The following IMMP2L variants were observed in gnomAD, a reference collection of about 807,000 sequenced individuals.
IMMP2L encodes inner mitochondrial membrane peptidase subunit 2, also known as mitochondrial inner membrane protease subunit 2.
IMMP2L carries 18 observed loss-of-function variants against 19.3 expected under a neutral mutation model. The ratio of observed to expected loss-of-function variants is 0.93; its 90% confidence interval spans 0.64 to 1.38. IMMP2L has a LOEUF of 1.38. Among genes scored for constraint, IMMP2L ranks in the 40% most tolerant of loss-of-function variants. The pLI, the probability that IMMP2L is intolerant of heterozygous loss-of-function variation, is 0.00. For synonymous variants in IMMP2L, 76 were observed against 73.0 expected (o/e 1.04, Z -0.21); for missense variants, 233 against 218.2 (o/e 1.07, Z -0.43).
At chr7:111,504,814 A>G (rs1447883465) in intron 2 of IMMP2L, among the ~76,000 whole-genome samples, 2 of 152,110 alleles carry the variant, frequency 1.3e-5, no homozygotes, top group Non-Finnish European at 2.9e-5. Context: ...CTTATACAAA[A>G]ATTAATTCAA....
chr7:111,114,131 TCTA>T (rs1296810673), intron 3 of IMMP2L, among the ~76,000 whole-genome samples: 1 of 145,224 alleles, frequency 6.9e-6, no homozygotes, highest in Admixed American at 6.7e-5. Flanking sequence ...TACACATAAA[TCTA>T]CACACACACA....
intron 5 of IMMP2L, among the ~76,000 whole-genome samples, chr7:110,841,601 C>T (rs1016499893): frequency 6.6e-6 from 1 of 152,074 alleles, no homozygotes; most frequent in South Asian, 2.1e-4. Flanking sequence ...ATAGATATGT[C>T]ATTCACACTG....
At chr7:111,109,199 A>G (rs1798900102) in intron 3 of IMMP2L, among the ~76,000 whole-genome samples, 1 of 152,316 alleles carries the variant, frequency 6.6e-6, no homozygotes, top group Admixed American at 6.5e-5. Context: ...CATTTTCAGT[A>G]CAATTTAACA....
intron 3 of IMMP2L, among the ~76,000 whole-genome samples, chr7:111,408,329 G>C (rs1834074608): frequency 6.6e-6 from 1 of 151,668 alleles, no homozygotes; most frequent in African/African-American, 2.4e-5. Flanking sequence ...TATTCAGTGA[G>C]AGACTTAATT....
intron 5 of IMMP2L, among the ~76,000 whole-genome samples, chr7:110,736,943 C>T (rs764155331): frequency 1.3e-5 from 2 of 152,134 alleles, no homozygotes; most frequent in South Asian, 2.1e-4. Flanking sequence ...TGAATGTATT[C>T]GTATGTGAGA....
chr7:110,972,359 T>C lies in IMMP2L; in HGVS notation c.240-8794A>G, dbSNP rs529825726. On this transcript the variant is annotated intron_variant, in intron 3 of 5. Transcript: ENST00000405709. ...TATATTGCAATAACTTGTACTATGA[T>C]AGTTTGTCAATGCTTTAACCTAAAT... Among the ~76,000 whole-genome samples, 9 of 152,220 alleles carry C rather than the reference T, an allele frequency of 5.9e-5. 1 individual carries two copies. In the East Asian group the frequency reaches 1.4e-3, roughly 23 times the overall value.
intron 5 of IMMP2L, among the ~76,000 whole-genome samples, chr7:110,854,628 T>A (rs927289552): frequency 7.9e-5 from 12 of 152,016 alleles, no homozygotes; most frequent in African/African-American, 1.2e-4. Flanking sequence ...ATAATTGATA[T>A]GTGAGTACAC....
intron 3 of IMMP2L, among the ~76,000 whole-genome samples, chr7:111,000,369 G>A (rs1402763780): frequency 6.6e-6 from 1 of 152,056 alleles, no homozygotes; most frequent in Non-Finnish European, 1.5e-5. Context: ...CCTCAACTTA[G>A]ACATGATAAC....
chr7:111,489,474 G>C (rs1842921588), intron 2 of IMMP2L, among the ~76,000 whole-genome samples: 1 of 152,138 alleles, frequency 6.6e-6, no homozygotes, highest in Non-Finnish European at 1.5e-5. Context: ...CCTTCACTGA[G>C]GGGCTGATGA....
At chr7:111,341,172 C>A (rs150607402) in intron 3 of IMMP2L, among the ~76,000 whole-genome samples, 1 of 152,052 alleles carries the variant, frequency 6.6e-6, no homozygotes, top group African/African-American at 2.4e-5. Flanking sequence ...AGTAATAATT[C>A]GTCTACTAAT....
intron 1 of IMMP2L, among the ~76,000 whole-genome samples, chr7:111,525,544 C>T (rs746236320): frequency 9.2e-5 from 14 of 151,912 alleles, no homozygotes; most frequent in Non-Finnish European, 1.6e-4. Context: ...TCTAGTGGTC[C>T]AGGGCAAGAG....
At chr7:111,164,708 T>A (rs748310336) in intron 3 of IMMP2L, among the ~76,000 whole-genome samples, 112 of 152,002 alleles carry the variant, frequency 7.4e-4, no homozygotes, top group Non-Finnish European at 1.4e-3. Flanking sequence ...TAATTAATTA[T>A]AGGAATCAGG....
In IMMP2L at chr7:111,216,923, A is replaced by G. The variant is rs191953567; in HGVS notation, c.240-253358T>C. 3.9e-3 allele frequency among the ~76,000 whole-genome samples: 600 copies of G among 152,240 alleles called. 2 individuals carry two copies. Among genetic ancestry groups the G allele is most frequent in the Middle Eastern group, 0.014 (4 of 292 alleles). ...CACCTTTGAAGGGTGGGGGAAAAGA[A>G]AAAGAGACATTTTATCAAATGCATG... On this transcript the variant is annotated intron_variant, in intron 3 of 5. Coordinates refer to ENST00000405709, the MANE Select transcript of IMMP2L (RefSeq NM_032549.4).
intron 5 of IMMP2L, among the ~76,000 whole-genome samples, chr7:110,701,075 A>G (rs924159515): frequency 1.3e-5 from 2 of 152,218 alleles, no homozygotes; most frequent in Admixed American, 6.5e-5. Flanking sequence ...TGTTGTACAC[A>G]TATTTTACAC....
rs150427773 is a variant in IMMP2L at position 111,543,715 on chromosome 7, T to G, written c.-3+18136A>C. 2.7e-3 allele frequency among the ~76,000 whole-genome samples: 409 copies of G among 152,296 alleles called. 6 individuals are homozygous for G. The highest frequency in any genetic ancestry group is 9.3e-3 in the African/African-American group (386 of 41,578). ...AAATCAACACTAATAGGATGTTAGA[T>G]TTTCCAAGAGAGAATCACACTTCAG... On this transcript the variant is annotated intron_variant, in intron 1 of 5. Coordinates refer to ENST00000405709, the MANE Select transcript of IMMP2L (RefSeq NM_032549.4).
At chr7:111,522,160 C>T (rs948064990) in intron 1 of IMMP2L, among the ~76,000 whole-genome samples, 1 of 152,102 alleles carries the variant, frequency 6.6e-6, no homozygotes, top group Non-Finnish European at 1.5e-5. Flanking sequence ...ACAGATAAAT[C>T]ACTTGCGCTG....
chr7:111,530,959 T>C (rs1847334730), intron 1 of IMMP2L, among the ~76,000 whole-genome samples: 2 of 139,054 alleles, frequency 1.4e-5, no homozygotes, highest in African/African-American at 5.5e-5. Flanking sequence ...TGAATATTAA[T>C]TTTTTTTTTT....
chr7:110,924,876 A>C lies in IMMP2L; in HGVS notation c.306-38181T>G, dbSNP rs1478775082. 6.6e-6 allele frequency among the ~76,000 whole-genome samples: 1 copy of C among 152,170 alleles called. No individual in the cohort carries two copies. The highest frequency in any genetic ancestry group is 1.5e-5 in the Non-Finnish European group (1 of 68,028). The stretch of plus-strand genomic sequence containing the variant: ...TGCCACTACACTGCCTTAGAGCCTT[A>C]TATTTCAAGAAAATGGTATATTCAA... On this transcript the variant is annotated intron_variant, in intron 4 of 5. Transcript: ENST00000405709. This position sits in a 1 kb window ranked among gnomAD's most constrained non-coding sequence, Gnocchi z 4.2.
intron 3 of IMMP2L, among the ~76,000 whole-genome samples, chr7:111,380,677 A>C (rs2131216833): frequency 6.6e-6 from 1 of 152,162 alleles, no homozygotes; most frequent in Admixed American, 6.6e-5. Context: ...CAGCTATTGA[A>C]TATTTTCACA....
Sources: gnomAD v4.1 joint callset for allele counts (sites outside exome capture counted in the v4.1 genomes callset) on GRCh38, gnomAD v4.1.1 for gene constraint, Gnocchi (gnomAD v3.1) non-coding constraint, MANE v1.5 for transcripts, NCBI Gene and HGNC (gene_info 2026-07-23, HGNC 2026-07-21) for gene names.